Variants in MAN1A2 observed in about 807,000 individuals in gnomAD.
The protein encoded by MAN1A2 is mannosyl-oligosaccharide 1,2-alpha-mannosidase IB.
Under a neutral mutation model 75.7 loss-of-function variants are expected in MAN1A2, and 26 were observed. The ratio of observed to expected loss-of-function variants is 0.34; its 90% CI spans 0.25 to 0.48. The LOEUF (loss-of-function observed/expected upper bound fraction) is 0.48. MAN1A2 is among the 20% of genes least tolerant of loss of function. The pLI, the probability that MAN1A2 is intolerant of heterozygous loss-of-function variation, is 0.99. For missense variants in MAN1A2, 562 were observed against 775.5 expected (o/e 0.72, Z 3.27); for synonymous variants, 247 against 264.6 (o/e 0.93, Z 0.65).
At chr1:117,463,431 C>G (rs1268306982) in intron 7 of MAN1A2, among the ~76,000 whole-genome samples, 3 of 151,956 alleles carry the variant, frequency 2.0e-5, no homozygotes, top group Non-Finnish European at 4.4e-5. Flanking sequence ...CTCATCCTTC[C>G]TGAACACATA....
At chr1:117,435,663 A>G (rs1315144787) in intron 5 of MAN1A2, among the ~76,000 whole-genome samples, 2 of 152,256 alleles carry the variant, frequency 1.3e-5, no homozygotes, top group Admixed American at 6.5e-5. Flanking sequence ...ACATAAAAAC[A>G]TTAATGTATT....
intron 1 of MAN1A2, among the ~76,000 whole-genome samples, chr1:117,377,385 T>C (rs1653184449): frequency 6.6e-6 from 1 of 152,232 alleles, no homozygotes; most frequent in African/African-American, 2.4e-5. Context: ...TGTAAATTAA[T>C]AGAATTTTCA....
chr1:117,460,589 G>C lies in MAN1A2; in HGVS notation c.1051G>C (p.Gly351Arg). 1 of 1,608,672 alleles carries C rather than the reference G, an allele frequency of 6.2e-7. No individual in the cohort carries two copies. Among genetic ancestry groups the C allele is most frequent in the Non-Finnish European group, 8.5e-7 (1 of 1,177,992 alleles). The change falls in exon 7 of 13, where the codon GGG (glycine) becomes CGG (arginine). Residue 351 changes from glycine (G) to arginine (R), a missense_variant. This residue lies in a region of MAN1A2 where 434 missense variants were observed against 645.7 expected (regional missense o/e 0.67). Coordinates refer to ENST00000356554, the MANE Select transcript of MAN1A2 (RefSeq NM_006699.5). Reference protein sequence around the residue: ...MEFIHLSYLTGDLTYYKKVMH... With the variant: ...MEFIHLSYLTRDLTYYKKVMH... ...GTTCATCCACCTCAGCTACTTGACA[G>C]GGGACCTGACTTACTACAAAAAGGT...
At chr1:117,402,059 T>C (rs1647449027) in intron 1 of MAN1A2, 127 bp from the exon 2 acceptor site, 2 of 915,340 alleles carry the variant, frequency 2.2e-6, no homozygotes, top group Admixed American at 2.8e-5. Flanking sequence ...GATAATTCTT[T>C]CCTTTTAATG....
intron 8 of MAN1A2, among the ~76,000 whole-genome samples, chr1:117,479,819 T>G (rs146632560): frequency 6.6e-6 from 1 of 152,034 alleles, no homozygotes; most frequent in East Asian, 1.9e-4. Flanking sequence ...TTGACTAGAT[T>G]CTATGTGCTG....
intron 8 of MAN1A2, among the ~76,000 whole-genome samples, chr1:117,488,860 T>A (rs911005765): frequency 6.6e-6 from 1 of 152,148 alleles, no homozygotes; most frequent in Non-Finnish European, 1.5e-5. Flanking sequence ...ATAAGTTACA[T>A]GTATTTAGAT....
chr1:117,398,187 CAT>C (rs764503537), intron 1 of MAN1A2, among the ~76,000 whole-genome samples: 1 of 152,090 alleles, frequency 6.6e-6, no homozygotes, highest in South Asian at 2.1e-4. Context: ...CAAAGAATCA[CAT>C]GTGGTTAAGT....
chr1:117,381,563 A>G (rs967210290), intron 1 of MAN1A2, among the ~76,000 whole-genome samples: 5 of 151,898 alleles, frequency 3.3e-5, no homozygotes, highest in African/African-American at 1.2e-4. Context: ...TATGTGCCAC[A>G]TTTTCTTAAT....
intron 3 of MAN1A2, among the ~76,000 whole-genome samples, chr1:117,414,497 A>G (rs1449668198): frequency 2.0e-5 from 3 of 151,382 alleles, no homozygotes; most frequent in East Asian, 1.9e-4. Context: ...ATATTAAACT[A>G]TGTATATTAT....
intron 1 of MAN1A2, among the ~76,000 whole-genome samples, chr1:117,396,661 A>G (rs1455109964): frequency 6.6e-6 from 1 of 152,170 alleles, no homozygotes; most frequent in Non-Finnish European, 1.5e-5. Context: ...TAGTGCTACT[A>G]AATAATTATT....
chr1:117,392,432 G>A (rs959186415), intron 1 of MAN1A2, among the ~76,000 whole-genome samples: 2 of 152,042 alleles, frequency 1.3e-5, no homozygotes, highest in Admixed American at 1.3e-4. Context: ...TGGTTAACAA[G>A]TAACTATTCT....
chr1:117,451,910 TC>T (rs1444983720), intron 6 of MAN1A2, among the ~76,000 whole-genome samples: 1 of 151,326 alleles, frequency 6.6e-6, no homozygotes, highest in Non-Finnish European at 1.5e-5. Context: ...ACTGTGTGAG[TC>T]CAGGAGGCGG....
chr1:117,482,913 T>C (rs1035733749), intron 8 of MAN1A2, among the ~76,000 whole-genome samples: 1 of 152,182 alleles, frequency 6.6e-6, no homozygotes. Context: ...AATTAATTTT[T>C]GTATGAGATG....
At chr1:117,459,071 C>A (rs966237553) in intron 6 of MAN1A2, among the ~76,000 whole-genome samples, 1 of 152,108 alleles carries the variant, frequency 6.6e-6, no homozygotes. Flanking sequence ...GGGCTGTGAT[C>A]CTAAGGTCAT....
At chr1:117,459,322 G>GATA (rs200354244) in intron 6 of MAN1A2, among the ~76,000 whole-genome samples, 1 of 152,180 alleles carries the variant, frequency 6.6e-6, no homozygotes. Context: ...CCACATATAT[G>GATA]GGGCAAGCAA....
intron 6 of MAN1A2, among the ~76,000 whole-genome samples, chr1:117,458,489 A>ATCTATC (rs1450082060): frequency 2.9e-5 from 2 of 69,334 alleles, no homozygotes; most frequent in Non-Finnish European, 5.7e-5. Flanking sequence ...TGAGAAATAT[A>ATCTATC]TATATATCTA....
chr1:117,497,097 C>G, intron 10 of MAN1A2, 115 bp downstream of exon 10: 1 of 685,322 alleles, frequency 1.5e-6, no homozygotes, highest in Non-Finnish European at 2.3e-6. Context: ...TAGTTTACAC[C>G]AACAAGGCAA....
At chr1:117,369,856 A>G (rs1652898536) in intron 1 of MAN1A2, among the ~76,000 whole-genome samples, 1 of 152,234 alleles carries the variant, frequency 6.6e-6, no homozygotes, top group Non-Finnish European at 1.5e-5. Flanking sequence ...GTATTTGTAT[A>G]ACATATGAAA....
chr1:117,457,853 C>G (rs959673570), intron 6 of MAN1A2, among the ~76,000 whole-genome samples: 3 of 152,122 alleles, frequency 2.0e-5, no homozygotes, highest in African/African-American at 7.2e-5. Flanking sequence ...TTATACCTTG[C>G]TTTCTAACCT....
Sources: allele counts gnomAD v4.1 joint callset (sites outside exome capture counted in the v4.1 genomes callset), GRCh38; gene constraint gnomAD v4.1.1; regional missense constraint gnomAD v4.1.1; transcripts MANE v1.5; gene names NCBI Gene and HGNC (gene_info 2026-07-23, HGNC 2026-07-21).